SMAD2: variants seen among roughly 807,000 people sequenced by gnomAD.
SMAD2 encodes SMAD family member 2.
Under a neutral mutation model 64.4 loss-of-function variants are expected in SMAD2, and 8 were observed. That is an observed-to-expected ratio of 0.12 (90% confidence interval 0.07 to 0.22). SMAD2 has a LOEUF of 0.22. Among genes scored for constraint, SMAD2 ranks in the 10% least tolerant of loss-of-function variants. The pLI is 1.00. For missense variants in SMAD2, 289 were observed against 561.2 expected (o/e 0.51, Z 4.90); for synonymous variants, 203 against 195.8 (o/e 1.04, Z -0.31).
intron 1 of SMAD2, among the ~76,000 whole-genome samples, chr18:47,909,146 T>C (rs1319763204): frequency 2.0e-5 from 3 of 151,966 alleles, no homozygotes; most frequent in Non-Finnish European, 4.4e-5. Flanking sequence ...GCACCTTTTG[T>C]GAAACAACTT....
intron 1 of SMAD2, among the ~76,000 whole-genome samples, chr18:47,920,329 T>G (rs7233149): frequency 0.012 from 1,872 of 152,346 alleles, 37 homozygotes; most frequent in African/African-American, 0.043. Context: ...TTTAATAATT[T>G]TATTAATCTA....
Position 47,809,908 on chromosome 18 carries a change from A to C in SMAD2, c.*31919T>G, listed in dbSNP as rs1912147834. ...ACAGAGTGGGGTGGACTCACTGAGA[A>C]ACCTTTTAAAGAGAAGATGCAGTAT... On this transcript the variant is annotated 3_prime_UTR_variant, in exon 11 of 11. Transcript: ENST00000262160. The C allele has an allele frequency of 6.6e-6, 1 of 152,224 alleles. No homozygotes were observed. Among genetic ancestry groups the C allele is most frequent in the Non-Finnish European group, 1.5e-5 (1 of 68,048 alleles). 9.4% of individuals were successfully genotyped at this position (152,224 alleles called of 1,614,324 possible). A position where few individuals can be genotyped will look rare whatever the true frequency, so the allele number is the denominator to read the frequency against.
chr18:47,841,975 G>A (rs1339265719), intron 10 of SMAD2, 25 bp from the exon 11 acceptor site: 1 of 1,613,646 alleles, frequency 6.2e-7, no homozygotes, highest in East Asian at 2.2e-5. Flanking sequence ...ACAGGAAAAT[G>A]ATTATGAAAT....
At chr18:47,848,764 A>T (rs1914785178) in intron 7 of SMAD2, 77 bp from the exon 8 acceptor site, 3 of 1,035,274 alleles carry the variant, frequency 2.9e-6, no homozygotes, top group Non-Finnish European at 4.3e-6. Context: ...GATTTAATAT[A>T]ATCATCTTTA....
intron 5 of SMAD2, chr18:47,867,272 T>C (rs1160043364): frequency 6.6e-6 from 1 of 151,998 alleles, no homozygotes; most frequent in Non-Finnish European, 1.5e-5. Context: ...ATTAAAACAA[T>C]CAAAAACCAC....
At chr18:47,876,110 C>T (rs1177632636) in intron 2 of SMAD2, among the ~76,000 whole-genome samples, 1 of 151,982 alleles carries the variant, frequency 6.6e-6, no homozygotes, top group East Asian at 1.9e-4. Context: ...ACTAAGACTA[C>T]TTGCTATGTA....
chr18:47,843,514 C>G (rs1332450648), intron 10 of SMAD2, among the ~76,000 whole-genome samples: 1 of 152,140 alleles, frequency 6.6e-6, no homozygotes, highest in Non-Finnish European at 1.5e-5. Context: ...TACTACATTT[C>G]CTCATTTTTG....
rs950224109 is a variant in SMAD2 at position 47,896,485 on chromosome 18, A to G, written c.236+36T>C. ...GTAACTTTCCTTCAGATTCCTTGAC[A>G]TAATTTGATCAAACCTGGGATCTAA... On this transcript the variant is annotated intron_variant, in intron 2 of 10. Coordinates refer to ENST00000262160, the MANE Select transcript of SMAD2 (RefSeq NM_005901.6). The G allele has an allele frequency of 4.4e-6, 7 of 1,607,276 alleles. No homozygotes were observed. The African/African-American group carries it at 8.0e-5, about 18-fold the overall frequency.
At chr18:47,898,909 T>C (rs560202102) in intron 1 of SMAD2, among the ~76,000 whole-genome samples, 1 of 152,064 alleles carries the variant, frequency 6.6e-6, no homozygotes, top group East Asian at 1.9e-4. Flanking sequence ...TGCCTGTCTA[T>C]TGTGCCTGTA....
Position 47,836,601 on chromosome 18 carries a change from A to G in SMAD2, c.*5226T>C, listed in dbSNP as rs954611872. 1 of 213,630 alleles carries G rather than the reference A, an allele frequency of 4.7e-6. No individual in the cohort carries two copies. Among genetic ancestry groups the G allele is most frequent in the Non-Finnish European group, 9.5e-6 (1 of 105,794 alleles). The allele number at this position is 213,630 out of a possible 1,614,324, so 13.2% of individuals were successfully genotyped here. On this transcript the variant is annotated 3_prime_UTR_variant, in exon 11 of 11. Transcript: ENST00000262160. ...ATGACCCCAACTGTTAAGTTTGTCT[A>G]TGAGTGTATATGTATATATAAATTC... is the stretch of plus-strand genomic sequence containing the variant.
intron 1 of SMAD2, among the ~76,000 whole-genome samples, chr18:47,910,940 C>CTAAAAAAGAAAAAAAAAAAAAA (rs2034102536): frequency 6.6e-6 from 1 of 151,952 alleles, no homozygotes; most frequent in African/African-American, 2.4e-5. Flanking sequence ...TGTATATTTA[C>CTAAAAAAGAAAAAAAAAAAAAA]TAAAAAAGAA....
chr18:47,850,678 A>T (rs1479442505), intron 7 of SMAD2, among the ~76,000 whole-genome samples: 1 of 41,166 alleles, frequency 2.4e-5, no homozygotes, highest in African/African-American at 1.1e-4. Context: ...TATATATATT[A>T]TATATATAAT....
chr18:47,836,764 G>A lies in SMAD2; in HGVS notation c.*5063C>T. 4.5e-6 allele frequency: 1 copy of A among 220,210 alleles called. No homozygotes were observed. The highest frequency in any genetic ancestry group is 9.1e-6 in the Non-Finnish European group (1 of 110,182). 13.6% of individuals were successfully genotyped at this position (220,210 alleles called of 1,614,324 possible). A position where few individuals can be genotyped will look rare whatever the true frequency, so the allele number is the denominator to read the frequency against. Reference sequence around the variant, plus strand: ...CACGAGATAAGTTCTTATCGTAAATGCTATCATGAGGCTATCTAGTATAGC... The same window carrying A: ...CACGAGATAAGTTCTTATCGTAAATACTATCATGAGGCTATCTAGTATAGC... On this transcript the variant is annotated 3_prime_UTR_variant, in exon 11 of 11. Coordinates refer to ENST00000262160, the MANE Select transcript of SMAD2 (RefSeq NM_005901.6).
At chr18:47,885,164 C>T (rs997106071) in intron 2 of SMAD2, among the ~76,000 whole-genome samples, 3 of 150,342 alleles carry the variant, frequency 2.0e-5, no homozygotes, top group Non-Finnish European at 3.0e-5. Context: ...CACACACACA[C>T]ACACACACAC....
At chr18:47,882,010 T>C (rs2032620602) in intron 2 of SMAD2, among the ~76,000 whole-genome samples, 2 of 145,328 alleles carry the variant, frequency 1.4e-5, no homozygotes, top group South Asian at 4.4e-4. Flanking sequence ...TCCAAATAAC[T>C]GAAACCACAG....
In SMAD2 at chr18:47,809,350, A is replaced by G. The variant is rs910674866; in HGVS notation, c.*32477T>C. On this transcript the variant is annotated 3_prime_UTR_variant, in exon 11 of 11. Coordinates refer to ENST00000262160, the MANE Select transcript of SMAD2 (RefSeq NM_005901.6). ...AATGACAGTTTTCCAGGCCAGAGCA[A>G]GCAAGGTGAGGGGTGGGGATGGTAT... 6.6e-6 allele frequency: 1 copy of G among 152,508 alleles called. No individual in the cohort carries two copies. The highest frequency in any genetic ancestry group is 1.5e-5 in the Non-Finnish European group (1 of 68,264). 9.4% of individuals were successfully genotyped at this position (152,508 alleles called of 1,614,324 possible).
intron 1 of SMAD2, among the ~76,000 whole-genome samples, chr18:47,899,083 T>A (rs1309919248): frequency 6.6e-6 from 1 of 151,996 alleles, no homozygotes; most frequent in African/African-American, 2.4e-5. Flanking sequence ...AGCAGAGAAT[T>A]GCAATACACA....
intron 1 of SMAD2, among the ~76,000 whole-genome samples, chr18:47,909,703 C>T (rs1178201599): frequency 3.3e-5 from 5 of 152,162 alleles, no homozygotes; most frequent in Admixed American, 2.6e-4. Flanking sequence ...AAGGCCAGGG[C>T]AACCAGAACG....
chr18:47,900,914 T>C (rs1948624932), intron 1 of SMAD2, among the ~76,000 whole-genome samples: 1 of 152,188 alleles, frequency 6.6e-6, no homozygotes, highest in African/African-American at 2.4e-5. Flanking sequence ...TTATTTACTA[T>C]AATACAAACA....
Sources: allele counts gnomAD v4.1 joint callset (sites outside exome capture counted in the v4.1 genomes callset), GRCh38; gene constraint gnomAD v4.1.1; transcripts MANE v1.5; gene names NCBI Gene and HGNC (gene_info 2026-07-23, HGNC 2026-07-21).